SLC17A5: variants seen among roughly 807,000 people sequenced by gnomAD.
The protein encoded by SLC17A5 is sialin.
SLC17A5 carries 47 observed loss-of-function variants against 59.4 expected under a neutral mutation model. That is an observed-to-expected ratio of 0.79 (90% CI 0.63 to 1.01). SLC17A5 has a LOEUF of 1.01. Ranked by LOEUF, SLC17A5 falls within the 50% of genes least tolerant of loss-of-function variation. The pLI, the probability that SLC17A5 is intolerant of heterozygous loss-of-function variation, is 0.00. For synonymous variants in SLC17A5, 202 were observed against 210.7 expected (o/e 0.96, Z 0.36); for missense variants, 522 against 595.5 (o/e 0.88, Z 1.28).
Position 73,595,014 on chromosome 6 carries a change from C to T in SLC17A5, c.*63G>A. 1 of 1,559,296 alleles carries T rather than the reference C, an allele frequency of 6.4e-7. No individual in the cohort carries two copies. The highest frequency in any genetic ancestry group is 8.8e-7 in the Non-Finnish European group (1 of 1,130,724). The stretch of plus-strand genomic sequence containing the variant: ...TAGAATGCTTACACAATACAGAAGG[C>T]ACTTTGAGGTTACATGATAAATAAA... On this transcript the variant is annotated 3_prime_UTR_variant, in exon 11 of 11. Coordinates refer to ENST00000355773, the MANE Select transcript of SLC17A5 (RefSeq NM_012434.5).
intron 7 of SLC17A5, among the ~76,000 whole-genome samples, chr6:73,616,466 T>A (rs1767872858): frequency 6.6e-6 from 1 of 152,100 alleles, no homozygotes; most frequent in African/African-American, 2.4e-5. Context: ...TTCATTTTTT[T>A]CTTACAATTT....
At chr6:73,623,652 TG>T (rs1357043795) in intron 6 of SLC17A5, among the ~76,000 whole-genome samples, 2 of 148,226 alleles carry the variant, frequency 1.3e-5, no homozygotes, top group East Asian at 3.9e-4. Flanking sequence ...TTATTTTAAG[TG>T]TCTTTTATTT....
intron 7 of SLC17A5, among the ~76,000 whole-genome samples, chr6:73,615,880 CTT>C (rs71674685): frequency 1.3e-4 from 13 of 97,600 alleles, no homozygotes; most frequent in African/African-American, 3.1e-4. Context: ...ATGAATCATT[CTT>C]TTTTTTTTTT....
At chr6:73,597,530 A>G (rs1226412507) in intron 10 of SLC17A5, among the ~76,000 whole-genome samples, 1 of 152,160 alleles carries the variant, frequency 6.6e-6, no homozygotes, top group East Asian at 1.9e-4. Flanking sequence ...CATGCCTGTA[A>G]TCCCAGCACT....
At chr6:73,605,630 AACACACACACAC>A (rs3045763) in intron 9 of SLC17A5, among the ~76,000 whole-genome samples, 3,276 of 145,948 alleles carry the variant, frequency 0.022, 114 homozygotes, top group African/African-American at 0.078. Context: ...GCAAGGTTTA[AACACACACACAC>A]ACACACACAC....
chr6:73,624,772 C>T (rs922783969), intron 6 of SLC17A5, among the ~76,000 whole-genome samples: 1 of 152,042 alleles, frequency 6.6e-6, no homozygotes, highest in Non-Finnish European at 1.5e-5. Flanking sequence ...ACTTGGGAGG[C>T]TGAGGCAGGA....
Position 73,653,795 on chromosome 6 carries a change from G to T in SLC17A5, c.92C>A (p.Ala31Asp). 6.3e-7 allele frequency: 1 copy of T among 1,588,336 alleles called. No individual in the cohort carries two copies. Among genetic ancestry groups the T allele is most frequent in the Non-Finnish European group, 8.6e-7 (1 of 1,168,646 alleles). The change falls in exon 1 of 11, where the codon GCC becomes GAC. Residue 31 changes from alanine to aspartate, a missense_variant and splice_region_variant. Ala to Asp is a moderately radical substitution (Grantham distance 126, BLOSUM62 -2). Transcript: ENST00000355773. ...PLLPGAPRAE[A>D]APVCCSARYN... ...CCCTGGACGACCCCGCCGCTTACCG[G>T]CTTCGGCCCGTGGGGCGCCCGGTAG...
At chr6:73,638,346 C>A (rs1308248817) in intron 4 of SLC17A5, 66 bp downstream of exon 4, 11 of 1,133,828 alleles carry the variant, frequency 9.7e-6, no homozygotes, top group Non-Finnish European at 1.5e-5. Flanking sequence ...GGTATGCAGG[C>A]CCTTTTTCCC....
intron 1 of SLC17A5, among the ~76,000 whole-genome samples, chr6:73,645,055 C>T (rs1216978517): frequency 6.6e-6 from 1 of 152,176 alleles, no homozygotes; most frequent in Non-Finnish European, 1.5e-5. Context: ...TGAACCCCTA[C>T]TCCTTGTCAG....
At chr6:73,610,690 A>AG (rs1767604840) in intron 8 of SLC17A5, 143 bp from the exon 9 acceptor site, 1 of 819,344 alleles carries the variant, frequency 1.2e-6, no homozygotes, top group African/African-American at 2.1e-5. Flanking sequence ...AAATTTCATG[A>AG]GAAAAAAAAA....
At chr6:73,645,581 G>A (rs1769502027) in intron 1 of SLC17A5, 3 of 616,408 alleles carry the variant, frequency 4.9e-6, no homozygotes, top group Non-Finnish European at 6.1e-6. Context: ...GAGGTCAGGA[G>A]ATCGAGACCA....
intron 7 of SLC17A5, among the ~76,000 whole-genome samples, chr6:73,616,841 A>G (rs1403602804): frequency 6.6e-6 from 1 of 152,004 alleles, no homozygotes; most frequent in Non-Finnish European, 1.5e-5. Context: ...TCCTGACTTC[A>G]AGTGATCTGG....
At chr6:73,648,415 T>C (rs1253104407) in intron 1 of SLC17A5, among the ~76,000 whole-genome samples, 2 of 152,204 alleles carry the variant, frequency 1.3e-5, no homozygotes, top group Non-Finnish European at 2.9e-5. Context: ...CTTAGGAATG[T>C]GTGTGGGTGT....
In SLC17A5 at chr6:73,593,742, A is replaced by AT. The variant is rs1381297119; in HGVS notation, c.*1334dup. The AT allele has an allele frequency of 6.6e-6, 1 of 152,178 alleles. No homozygotes were observed. The highest frequency in any genetic ancestry group is 1.5e-5 in the Non-Finnish European group (1 of 68,040). 9.4% of individuals were successfully genotyped at this position (152,178 alleles called of 1,614,324 possible). On this transcript the variant is annotated 3_prime_UTR_variant, in exon 11 of 11. Coordinates refer to ENST00000355773, the MANE Select transcript of SLC17A5 (RefSeq NM_012434.5). The stretch of plus-strand genomic sequence containing the variant: ...CAGACTGAACAAACAGTGAGAATTA[A>AT]TTAAAAAAAAAATTCTCGTGTAGCT...
At chr6:73,610,372 CA>C (rs758678657) in intron 9 of SLC17A5, 27 bp downstream of exon 9, 1 of 1,612,486 alleles carries the variant, frequency 6.2e-7, no homozygotes, top group South Asian at 1.1e-5. Flanking sequence ...TAAAGTCAAT[CA>C]CAGCAAATCT....
intron 7 of SLC17A5, chr6:73,618,532 T>G: frequency 3.8e-6 from 2 of 524,224 alleles, no homozygotes; most frequent in Admixed American, 4.5e-5. Context: ...TACTGTCCTC[T>G]GCCAGCCTAC....
chr6:73,621,660 C>T, intron 7 of SLC17A5, 144 bp downstream of exon 7: 1 of 663,050 alleles, frequency 1.5e-6, no homozygotes, highest in Non-Finnish European at 2.6e-6. Flanking sequence ...CTTAATAGTC[C>T]TTTGATGTAT....
chr6:73,598,107 A>G (rs200886203), intron 10 of SLC17A5, among the ~76,000 whole-genome samples: 2 of 152,346 alleles, frequency 1.3e-5, no homozygotes, highest in East Asian at 3.9e-4. Flanking sequence ...CTGGGACAAA[A>G]TAATACTTCA....
intron 2 of SLC17A5, among the ~76,000 whole-genome samples, chr6:73,643,913 A>G (rs1454259120): frequency 1.3e-5 from 2 of 152,240 alleles, no homozygotes; most frequent in South Asian, 4.1e-4. Context: ...CCACTATAAC[A>G]TAAGGCAGGC....
Sources: allele counts gnomAD v4.1 joint callset (sites outside exome capture counted in the v4.1 genomes callset), GRCh38; gene constraint gnomAD v4.1.1; transcripts MANE v1.5; gene names NCBI Gene and HGNC (gene_info 2026-07-23, HGNC 2026-07-21).